C19orf44: variants seen among roughly 807,000 people sequenced by gnomAD.
C19orf44 encodes uncharacterized protein C19orf44.
In C19orf44, 43 loss-of-function variants were observed where a neutral mutation model predicts 50.7. The ratio of observed to expected loss-of-function variants is 0.85; its 90% confidence interval spans 0.66 to 1.09. The LOEUF is 1.09. C19orf44 is among the 50% of genes least tolerant of loss of function. The probability of loss-of-function intolerance (pLI) is 0.00; values close to 1 mark genes in which losing one functional copy is unlikely to be tolerated. For missense variants in C19orf44, 722 were observed against 836.2 expected, an observed-to-expected ratio of 0.86 and a Z score of 1.68; for synonymous variants, 298 against 334.7, an observed-to-expected ratio of 0.89 and a Z score of 1.20.
rs2093466400 is a variant in C19orf44 at position 16,514,534 on chromosome 19, T to C, written c.1773T>C (p.His591=). The stretch of plus-strand genomic sequence containing the variant: ...ACAGCCCGGCCGTGCTGGCACTCCA[T>C]GATGTGCTGAAGCAGCAGCTGAGCC... ...TAYSPAVLAL[H]DVLKQQLSLT... is the part of the protein sequence containing the mutation. The change falls in exon 7 of 9, where the codon CAT becomes CAC. Residue 591 remains histidine, a synonymous_variant. Transcript: ENST00000221671. 1 of 1,611,742 alleles carries C rather than the reference T, an allele frequency of 6.2e-7. No individual in the cohort carries two copies. The highest frequency in any genetic ancestry group is 8.5e-7 in the Non-Finnish European group (1 of 1,179,686).
chr19:16,501,675 C>T, intron 2 of C19orf44, 124 bp downstream of exon 2: 1 of 639,744 alleles, frequency 1.6e-6, no homozygotes, highest in South Asian at 5.2e-5. Flanking sequence ...TCACCGCAAC[C>T]TCCACTCCTA....
At chr19:16,502,800 G>A (rs2093429372) in intron 2 of C19orf44, among the ~76,000 whole-genome samples, 1 of 150,344 alleles carries the variant, frequency 6.7e-6, no homozygotes, top group Non-Finnish European at 1.5e-5. Context: ...GCCAGTCTGG[G>A]CAACATGGCA....
At chr19:16,514,338 G>A (rs1309984669) in intron 6 of C19orf44, among the ~76,000 whole-genome samples, 159 bp from the exon 7 acceptor site, 4 of 151,562 alleles carry the variant, frequency 2.6e-5, no homozygotes, top group Non-Finnish European at 1.5e-5. Context: ...GCGCTGTGAT[G>A]GCACCGCTGT....
At chr19:16,513,886 T>C (rs1165349740) in intron 6 of C19orf44, among the ~76,000 whole-genome samples, 2 of 152,114 alleles carry the variant, frequency 1.3e-5, no homozygotes, top group African/African-American at 2.4e-5. Context: ...CCAGCAGCCA[T>C]CTTAGAGAGT....
Position 16,509,573 on chromosome 19 carries a change from G to T in C19orf44, c.1224G>T (p.Pro408=), listed in dbSNP as rs539818641. The change falls in exon 5 of 9, where the codon CCG becomes CCT. Residue 408 remains proline (P), a synonymous_variant. Coordinates refer to ENST00000221671, the MANE Select transcript of C19orf44 (RefSeq NM_032207.4). ...RAEASTGQDA[P]RQAQARSWAS... is the part of the protein sequence containing the mutation. ...AGGCGTCCACTGGGCAGGATGCCCC[G>T]AGGCAGGCCCAGGCGAGGAGCTGGG... 10 of 1,612,754 alleles carry T rather than the reference G, an allele frequency of 6.2e-6. No homozygotes were observed. Among genetic ancestry groups the T allele is most frequent in the South Asian group, 2.2e-5 (2 of 90,960 alleles).
At position 16,519,721 on chromosome 19, in the gene C19orf44, A is replaced by T; in HGVS notation, c.*41-373A>T. 1.2e-6 allele frequency: 2 copies of T among 1,608,610 alleles called. No individual in the cohort carries two copies. Among genetic ancestry groups the T allele is most frequent in the South Asian group, 1.1e-5 (1 of 90,954 alleles). On this transcript the variant is annotated intron_variant, in intron 8 of 8. Transcript: ENST00000221671. The surrounding 1 kb of genome is among the most constrained non-coding windows in gnomAD (Gnocchi z 6.0). The stretch of plus-strand genomic sequence containing the variant: ...AACCCAGACCAGCAGAGGAACTAAA[A>T]TCGAGACAGGTTATTCTTTTTAAGA...
At chr19:16,504,745 G>A (rs919179609) in intron 3 of C19orf44, among the ~76,000 whole-genome samples, 4 of 151,650 alleles carry the variant, frequency 2.6e-5, no homozygotes, top group Non-Finnish European at 5.9e-5. Context: ...GACTATAGGC[G>A]CACGCCACCA....
intron 7 of C19orf44, among the ~76,000 whole-genome samples, chr19:16,514,957 G>C (rs1361751222): frequency 2.0e-5 from 3 of 152,242 alleles, no homozygotes; most frequent in Non-Finnish European, 4.4e-5. Flanking sequence ...TTCTCCCATG[G>C]GAGGGGTCCT....
rs2085585628 is a variant in C19orf44 at position 16,519,430 on chromosome 19, C to A, written c.*41-664C>A. On this transcript the variant is annotated intron_variant, in intron 8 of 8. Coordinates refer to ENST00000221671, the MANE Select transcript of C19orf44 (RefSeq NM_032207.4). The surrounding 1 kb of genome is among the most constrained non-coding windows in gnomAD (Gnocchi z 6.0). ...GCACGTGGGGGGCTGAATGTCCAGA[C>A]AGGCAGTGTAGACATGGGAAATGGG... The A allele has an allele frequency of 6.8e-7, 1 of 1,467,550 alleles. No individual in the cohort carries two copies. The highest frequency in any genetic ancestry group is 1.9e-5 in the Admixed American group (1 of 53,714). The allele number at this position is 1,467,550 out of a possible 1,614,324, so 90.9% of individuals were successfully genotyped here. A position where few individuals can be genotyped will look rare whatever the true frequency, so the allele number is the denominator to read the frequency against.
At chr19:16,502,127 C>T (rs2093427230) in intron 2 of C19orf44, among the ~76,000 whole-genome samples, 1 of 150,648 alleles carries the variant, frequency 6.6e-6, no homozygotes, top group African/African-American at 2.4e-5. Context: ...TCAGGCTGGT[C>T]TCCAACTCCT....
intron 4 of C19orf44, among the ~76,000 whole-genome samples, 176 bp downstream of exon 4, chr19:16,506,950 G>T (rs1383589557): frequency 6.6e-6 from 1 of 152,158 alleles, no homozygotes; most frequent in Non-Finnish European, 1.5e-5. Context: ...TGGGATTACA[G>T]GTGTGAGCGA....
chr19:16,502,241 T>A (rs2093427607), intron 2 of C19orf44, among the ~76,000 whole-genome samples: 1 of 144,982 alleles, frequency 6.9e-6, no homozygotes. Flanking sequence ...CTTTCCTTTT[T>A]TTTTTTTTTT....
At position 16,501,557 on chromosome 19, in the gene C19orf44, A is replaced by ATTT. The variant is rs35035783; in HGVS notation, c.759+16_759+18dup. On this transcript the variant is annotated splice_region_variant and intron_variant, in intron 2 of 8. Coordinates refer to ENST00000221671, the MANE Select transcript of C19orf44 (RefSeq NM_032207.4). ...AAGAAAGAAAACTATTTTCGGTGAG[A>ATTT]TTTTTTTTTTTTGGTAAATTTATTT... is the stretch of plus-strand genomic sequence containing the variant. The ATTT allele has an allele frequency of 2.3e-5, 27 of 1,197,948 alleles. No homozygotes were observed. Among genetic ancestry groups the ATTT allele is most frequent in the South Asian group, 5.0e-5 (2 of 39,918 alleles). 74.2% of individuals were successfully genotyped at this position (1,197,948 alleles called of 1,614,324 possible).
chr19:16,504,509 C>CAAA, intron 3 of C19orf44, among the ~76,000 whole-genome samples: 1 of 152,272 alleles, frequency 6.6e-6, no homozygotes, highest in South Asian at 2.1e-4. Context: ...CCACCCCTTA[C>CAAA]ACCACACACG....
intron 3 of C19orf44, among the ~76,000 whole-genome samples, chr19:16,506,191 G>C (rs1430141564): frequency 6.9e-6 from 1 of 144,746 alleles, no homozygotes. Context: ...TAGCCAGGAT[G>C]GTCTCGATCT....
At chr19:16,498,184 C>A (rs1229578804) in intron 1 of C19orf44, among the ~76,000 whole-genome samples, 1 of 152,190 alleles carries the variant, frequency 6.6e-6, no homozygotes, top group Non-Finnish European at 1.5e-5. Context: ...ATCCCTGGAT[C>A]ACATGGTAAC....
chr19:16,509,287 C>T (rs2093449426), intron 4 of C19orf44, among the ~76,000 whole-genome samples: 1 of 152,172 alleles, frequency 6.6e-6, no homozygotes, highest in Admixed American at 6.6e-5. Flanking sequence ...GCATGCGTCA[C>T]ACCATCAGGA....
At chr19:16,512,885 A>G in intron 5 of C19orf44, 129 bp from the exon 6 acceptor site, 2 of 718,140 alleles carry the variant, frequency 2.8e-6, no homozygotes, top group South Asian at 3.9e-5. Context: ...AAAAAATGCA[A>G]GAGTGGCGAT....
intron 3 of C19orf44, among the ~76,000 whole-genome samples, chr19:16,504,154 CCACTG>C (rs1186735540): frequency 2.6e-5 from 4 of 152,062 alleles, no homozygotes; most frequent in Admixed American, 2.6e-4. Context: ...TATGAACACA[CCACTG>C]CACTCCAGCC....
Sources: gnomAD v4.1 joint callset for allele counts (sites outside exome capture counted in the v4.1 genomes callset) on GRCh38, gnomAD v4.1.1 for gene constraint, Gnocchi (gnomAD v3.1) non-coding constraint, MANE v1.5 for transcripts, NCBI Gene and HGNC (gene_info 2026-07-23, HGNC 2026-07-21) for gene names.